Variants in WNT2B observed in about 807,000 individuals in gnomAD.
The protein encoded by WNT2B is protein Wnt-2b.
WNT2B carries 19 observed loss-of-function variants against 40.5 expected under a neutral mutation model. The ratio of observed to expected loss-of-function variants is 0.47; its 90% CI spans 0.33 to 0.69. The LOEUF is 0.69. Ranked by LOEUF, WNT2B falls within the 30% of genes least tolerant of loss-of-function variation. The pLI, the probability that WNT2B is intolerant of heterozygous loss-of-function variation, is 0.02. For missense variants in WNT2B, 467 were observed against 556.4 expected, an observed-to-expected ratio of 0.84 and a Z score of 1.62; for synonymous variants, 220 against 211.9, an observed-to-expected ratio of 1.04 and a Z score of -0.33.
chr1:112,486,004 G>C (rs1235757937), intron 1 of WNT2B, among the ~76,000 whole-genome samples: 1 of 151,984 alleles, frequency 6.6e-6, no homozygotes, highest in African/African-American at 2.4e-5. Context: ...AAACCCAATT[G>C]GTCATTTATG....
chr1:112,492,445 A>C (rs1248746788), intron 1 of WNT2B, among the ~76,000 whole-genome samples: 1 of 152,130 alleles, frequency 6.6e-6, no homozygotes, highest in Non-Finnish European at 1.5e-5. Context: ...AGTATGGACA[A>C]CTCTGAGAAT....
chr1:112,496,761 C>A lies in WNT2B; in HGVS notation c.-94-18113C>A. On this transcript the variant is annotated intron_variant, in intron 1 of 4. Transcript: ENST00000256640. ...GATTACAGGCATGTACCACTACGCC[C>A]GGCTACTTTTGTATTTTTAGTAGAG... is the stretch of plus-strand genomic sequence containing the variant. 1.3e-5 allele frequency among the ~76,000 whole-genome samples: 2 copies of A among 151,950 alleles called. 1 individual carries two copies. Among genetic ancestry groups the A allele is most frequent in the South Asian group, 4.2e-4 (2 of 4,800 alleles).
intron 1 of WNT2B, among the ~76,000 whole-genome samples, chr1:112,490,663 G>A (rs148247208): frequency 0.065 from 9,882 of 151,890 alleles, 380 homozygotes; most frequent in African/African-American, 0.11. Context: ...CTAATTTTTT[G>A]TATTTTTAGT....
rs1349455397 is a variant in WNT2B, at chr1:112,529,290, G to C, written c.*8781G>C. 1.3e-5 allele frequency: 2 copies of C among 152,176 alleles called. No individual in the cohort carries two copies. The highest frequency in any genetic ancestry group is 2.4e-5 in the African/African-American group (1 of 41,440). The allele number at this position is 152,176 out of a possible 1,614,324, so 9.4% of individuals were successfully genotyped here. On this transcript the variant is annotated 3_prime_UTR_variant, in exon 5 of 5. Transcript: ENST00000369684. ...GGAGGCAGCCACAAAACCAGTGATAGCATTTGTTAGTATCATCTTAGTTCT... is the reference window on the plus strand; with the variant it reads ...GGAGGCAGCCACAAAACCAGTGATACCATTTGTTAGTATCATCTTAGTTCT...
chr1:112,513,337 G>C (rs916124763), intron 1 of WNT2B, among the ~76,000 whole-genome samples: 7 of 152,200 alleles, frequency 4.6e-5, no homozygotes, highest in Admixed American at 2.6e-4. Context: ...CCTGGAAGCT[G>C]TTGCCCTGAT....
chr1:112,516,107 T>C, intron 2 of WNT2B, 33 bp from the exon 3 acceptor site: 1 of 1,586,202 alleles, frequency 6.3e-7, no homozygotes, highest in South Asian at 1.1e-5. Flanking sequence ...TGGGCCTCTT[T>C]CCTGAAGCAC....
chr1:112,470,804 G>A (rs578071729), intron 1 of WNT2B, among the ~76,000 whole-genome samples: 188 of 152,184 alleles, frequency 1.2e-3, no homozygotes, highest in Admixed American at 2.1e-3. Flanking sequence ...AAGGGGAGGC[G>A]GTGGGATGGG....
Position 112,529,625 on chromosome 1 carries a change from C to A in WNT2B, c.*9116C>A, listed in dbSNP as rs1465444022. ...ATAGGCATAGAGACAGAAGTCTCAA[C>A]TTGTATAACTGGTTAAGCAACCAGG... On this transcript the variant is annotated 3_prime_UTR_variant, in exon 5 of 5. Coordinates refer to ENST00000369684, the MANE Select transcript of WNT2B (RefSeq NM_024494.3). The A allele has an allele frequency of 6.6e-6, 1 of 151,840 alleles. No homozygotes were observed. The highest frequency in any genetic ancestry group is 1.5e-5 in the Non-Finnish European group (1 of 67,986). 9.4% of individuals were successfully genotyped at this position (151,840 alleles called of 1,614,324 possible).
Position 112,515,112 on chromosome 1 carries a change from C to T in WNT2B, c.403+18C>T. On this transcript the variant is annotated intron_variant, in intron 2 of 4. Transcript: ENST00000369684. This position sits in a 1 kb window ranked among gnomAD's most constrained non-coding sequence, Gnocchi z 4.4. ...GCTCAGAAGTAAGAGCCTCTTCCAT[C>T]CTGTGTCAGCTCCTTCCCTTTCTGT... 1 of 1,610,312 alleles carries T rather than the reference C, an allele frequency of 6.2e-7. No homozygotes were observed. The highest frequency in any genetic ancestry group is 1.1e-5 in the South Asian group (1 of 90,640).
Position 112,509,382 on chromosome 1 carries a change from T to G in WNT2B, c.120T>G (p.Gly40=), listed in dbSNP as rs750541170. 3 of 1,596,330 alleles carry G rather than the reference T, an allele frequency of 1.9e-6. No homozygotes were observed. The highest frequency in any genetic ancestry group is 2.5e-6 in the Non-Finnish European group (3 of 1,177,330). The change falls in exon 1 of 5, where the codon GGT becomes GGG. Residue 40 remains glycine (G), a synonymous_variant. Transcript: ENST00000369684. The surrounding 1 kb of genome is among the most constrained non-coding windows in gnomAD (Gnocchi z 4.2). ...GCTCCCGGGCTTCGGCCCGCCTAGG[T>G]CTTGCCTGCCTTCTGCTCCTGCTGC... ...PDGSRASARL[G]LACLLLLLLL...
At position 112,487,102 on chromosome 1, in the gene WNT2B, T is replaced by A. The variant is rs575846069; in HGVS notation, c.-95+19511T>A. 1.8e-3 allele frequency among the ~76,000 whole-genome samples: 267 copies of A among 152,320 alleles called. 1 individual carries two copies. The highest frequency in any genetic ancestry group is 2.8e-4 in the Non-Finnish European group (19 of 68,014). ...TCAACAAGTGAATAGATAAGTAAAC[T>A]GTGATATATCCATACAATGGAATAC... On this transcript the variant is annotated intron_variant, in intron 1 of 4. Coordinates refer to the WNT2B transcript ENST00000256640.
intron 1 of WNT2B, among the ~76,000 whole-genome samples, chr1:112,479,244 T>C (rs1651146785): frequency 6.7e-6 from 1 of 149,856 alleles, no homozygotes. Flanking sequence ...TAAATAAAAA[T>C]AAAACTACAA....
intron 1 of WNT2B, among the ~76,000 whole-genome samples, chr1:112,480,113 A>T (rs1434571445): frequency 6.6e-6 from 1 of 152,142 alleles, no homozygotes; most frequent in African/African-American, 2.4e-5. Flanking sequence ...TAATCCCAGC[A>T]CTTTGGGAGG....
intron 1 of WNT2B, among the ~76,000 whole-genome samples, chr1:112,488,230 A>G (rs546170067): frequency 6.6e-6 from 1 of 152,146 alleles, no homozygotes; most frequent in African/African-American, 2.4e-5. Flanking sequence ...CTAGGGAGGT[A>G]GAGTTTGCAG....
chr1:112,495,598 A>AAG (rs1026623443), intron 1 of WNT2B, among the ~76,000 whole-genome samples: 1 of 152,104 alleles, frequency 6.6e-6, no homozygotes, highest in African/African-American at 2.4e-5. Context: ...CAAAAAAAAA[A>AAG]AAAAAAATCC....
At chr1:112,466,611 G>C (rs950013771) in exon 1 of WNT2B, 3 of 152,114 alleles carry the variant, frequency 2.0e-5, no homozygotes, top group Non-Finnish European at 4.4e-5. Flanking sequence ...CTTAAAACTG[G>C]TCATTGACAT....
At position 112,489,522 on chromosome 1, in the gene WNT2B, C is replaced by T. The variant is rs150063122; in HGVS notation, c.-95+21931C>T. Among the ~76,000 whole-genome samples the T allele has an allele frequency of 3.0e-3, 453 of 152,250 alleles. 1 individual carries two copies. The highest frequency in any genetic ancestry group is 0.01 in the African/African-American group (429 of 41,542). ...GAGGCTGCAGTGAGCCGAGATCACG[C>T]CATTGCACTCCAGCCTGGGTGACAG... On this transcript the variant is annotated intron_variant, in intron 1 of 4. Coordinates refer to the WNT2B transcript ENST00000256640.
Position 112,509,509 on chromosome 1 carries a change from G to GGA in WNT2B, c.182+66_182+67dup. ...TAGGAGAGGCCGGAGGCGCCTGGAG[G>GGA]GACTGGCTGCTCACGGGACCAGGCT... On this transcript the variant is annotated intron_variant, in intron 1 of 4. Coordinates refer to ENST00000369684, the MANE Select transcript of WNT2B (RefSeq NM_024494.3). This position sits in a 1 kb window ranked among gnomAD's most constrained non-coding sequence, Gnocchi z 4.2. 1 of 1,491,798 alleles carries GGA rather than the reference G, an allele frequency of 6.7e-7. No individual in the cohort carries two copies. The highest frequency in any genetic ancestry group is 8.8e-7 in the Non-Finnish European group (1 of 1,134,692). 92.4% of individuals were successfully genotyped at this position (1,491,798 alleles called of 1,614,324 possible).
At chr1:112,497,268 C>A (rs1651806635) in intron 1 of WNT2B, among the ~76,000 whole-genome samples, 1 of 152,202 alleles carries the variant, frequency 6.6e-6, no homozygotes, top group African/African-American at 2.4e-5. Flanking sequence ...TCTGTGGCAG[C>A]CCTGTTCCTG....
Sources: gnomAD v4.1 joint callset for allele counts (sites outside exome capture counted in the v4.1 genomes callset) on GRCh38, gnomAD v4.1.1 for gene constraint, Gnocchi (gnomAD v3.1) non-coding constraint, MANE v1.5 for transcripts, NCBI Gene and HGNC (gene_info 2026-07-23, HGNC 2026-07-21) for gene names.